CADPS2: variants seen among roughly 807,000 people sequenced by gnomAD.
The protein encoded by CADPS2 is calcium-dependent secretion activator 2.
A neutral mutation model predicts 172.5 loss-of-function variants in CADPS2; 93 were observed. That is an observed-to-expected ratio of 0.54 (90% CI 0.46 to 0.64). CADPS2 has a LOEUF of 0.64. Among genes scored for constraint, CADPS2 ranks in the 30% least tolerant of loss-of-function variants. CADPS2 has a pLI of 0.00. For synonymous variants in CADPS2, 546 were observed against 555.2 expected (o/e 0.98, Z 0.23); for missense variants, 1,420 against 1,565.9 (o/e 0.91, Z 1.57).
At chr7:122,850,110 T>C (rs1429348984) in intron 1 of CADPS2, 10 of 1,348,538 alleles carry the variant, frequency 7.4e-6, no homozygotes, top group Non-Finnish European at 9.7e-6. Context: ...AGACCTGGCA[T>C]CCATCAACAA....
At chr7:122,412,536 G>A (rs1240842251) in intron 19 of CADPS2, among the ~76,000 whole-genome samples, 1 of 152,220 alleles carries the variant, frequency 6.6e-6, no homozygotes, top group Non-Finnish European at 1.5e-5. Context: ...CCAGGCTCTT[G>A]TTGAAGCAGC....
intron 6 of CADPS2, among the ~76,000 whole-genome samples, chr7:122,582,989 G>A (rs1198389957): frequency 6.6e-6 from 1 of 151,450 alleles, no homozygotes; most frequent in African/African-American, 2.4e-5. Flanking sequence ...TCTTCAAAGA[G>A]AAAAGTGAAC....
intron 1 of CADPS2, among the ~76,000 whole-genome samples, chr7:122,772,536 G>A (rs1051660578): frequency 3.3e-5 from 5 of 152,082 alleles, no homozygotes; most frequent in Admixed American, 2.6e-4. Context: ...AAATTCAACA[G>A]ATACAGTTAA....
At chr7:122,569,116 G>T (rs1019481221) in intron 7 of CADPS2, among the ~76,000 whole-genome samples, 1 of 152,080 alleles carries the variant, frequency 6.6e-6, no homozygotes, top group Non-Finnish European at 1.5e-5. Flanking sequence ...CGACATGATT[G>T]TATATCTAGA....
At chr7:122,385,280 T>C (rs1485733989) in intron 24 of CADPS2, among the ~76,000 whole-genome samples, 1 of 151,864 alleles carries the variant, frequency 6.6e-6, no homozygotes, top group Non-Finnish European at 1.5e-5. Flanking sequence ...TTGTATGCTA[T>C]GGTAATATAA....
chr7:122,387,122 G>A lies in CADPS2; in HGVS notation c.3216C>T (p.Asp1072=), dbSNP rs920633848. ...LKLQKASKTT[D]LRIPASVCTM... is the part of the protein sequence containing the mutation. ...TGCAAACGGAAGCTGGAATGCGCAA[G>A]TCAGTTGTTTTGCTTGCCTTTTGTA... is the stretch of plus-strand genomic sequence containing the variant. The change falls in exon 24 of 30, where the codon GAC becomes GAT. Residue 1072 remains aspartate, a synonymous_variant. Coordinates refer to ENST00000449022, the MANE Select transcript of CADPS2 (RefSeq NM_017954.11). The A allele has an allele frequency of 6.3e-7, 1 of 1,577,080 alleles. No individual in the cohort carries two copies. The highest frequency in any genetic ancestry group is 8.6e-7 in the Non-Finnish European group (1 of 1,159,144).
chr7:122,656,808 T>C (rs1046027716), intron 3 of CADPS2, among the ~76,000 whole-genome samples: 1 of 152,170 alleles, frequency 6.6e-6, no homozygotes, highest in Admixed American at 6.5e-5. Context: ...AGATCTTTAG[T>C]TTAATTAGAT....
At chr7:122,873,244 G>A (rs993313768) in intron 1 of CADPS2, among the ~76,000 whole-genome samples, 3 of 152,084 alleles carry the variant, frequency 2.0e-5, no homozygotes, top group Middle Eastern at 3.4e-3. Context: ...GGTTACATAG[G>A]CATACACATG....
intron 8 of CADPS2, among the ~76,000 whole-genome samples, chr7:122,517,744 C>CGA (rs1563571837): frequency 6.6e-6 from 1 of 151,856 alleles, no homozygotes; most frequent in African/African-American, 2.4e-5. Context: ...AGGTCATTCT[C>CGA]AAGTTTTGGA....
At chr7:122,603,248 A>C (rs1220983657) in intron 6 of CADPS2, among the ~76,000 whole-genome samples, 1 of 151,284 alleles carries the variant, frequency 6.6e-6, no homozygotes, top group South Asian at 2.1e-4. Context: ...TAAATATTAT[A>C]TGACAATACA....
chr7:122,851,509 T>A (rs1413711341), intron 1 of CADPS2, among the ~76,000 whole-genome samples: 3 of 152,098 alleles, frequency 2.0e-5, no homozygotes, highest in Admixed American at 2.0e-4. Context: ...GTACTAAAAA[T>A]AATAGCTAAG....
chr7:122,536,736 G>A (rs942111204), intron 8 of CADPS2, among the ~76,000 whole-genome samples: 1 of 152,010 alleles, frequency 6.6e-6, no homozygotes, highest in African/African-American at 2.4e-5. Context: ...AGTTGAGTTT[G>A]CACAGCGCTT....
chr7:122,618,795 A>C (rs144501444), intron 5 of CADPS2, among the ~76,000 whole-genome samples: 1 of 152,178 alleles, frequency 6.6e-6, no homozygotes, highest in Non-Finnish European at 1.5e-5. Flanking sequence ...GACTAGAGGC[A>C]TATCTATTCT....
chr7:122,525,794 T>C (rs1418068907), intron 8 of CADPS2, among the ~76,000 whole-genome samples: 1 of 152,164 alleles, frequency 6.6e-6, no homozygotes, highest in Non-Finnish European at 1.5e-5. Context: ...TATGGTTAAT[T>C]GAGAAATTAA....
rs374275718 is a variant in CADPS2, at chr7:122,451,404, G to C, written c.2258C>G (p.Ser753Cys). ...RFEEIKERLS[S>C]LLENQISHFR... ...ATGGCTTATCTGATTTTCTAAAAGGGAAGAGAGTCTCTCTTTTATCTCCTC... is the reference window on the plus strand; with the variant it reads ...ATGGCTTATCTGATTTTCTAAAAGGCAAGAGAGTCTCTCTTTTATCTCCTC... Residue 753 changes from serine to cysteine, a missense_variant, in exon 15 of 30, where the codon TCC becomes TGC. Coordinates refer to ENST00000449022, the MANE Select transcript of CADPS2 (RefSeq NM_017954.11). 4 of 1,563,870 alleles carry C rather than the reference G, an allele frequency of 2.6e-6. No individual in the cohort carries two copies. The African/African-American group carries it at 5.4e-5, about 21-fold the overall frequency.
intron 16 of CADPS2, 91 bp from the exon 17 acceptor site, chr7:122,438,555 A>C: frequency 3.6e-6 from 5 of 1,400,430 alleles, no homozygotes; most frequent in Non-Finnish European, 4.9e-6. Flanking sequence ...ATAAATACTA[A>C]AGACAAATTA....
chr7:122,555,395 AT>A (rs2064906903), intron 7 of CADPS2, among the ~76,000 whole-genome samples: 1 of 152,074 alleles, frequency 6.6e-6, no homozygotes, highest in African/African-American at 2.4e-5. Flanking sequence ...AACACAAGGT[AT>A]TCTCCCCCTT....
intron 8 of CADPS2, among the ~76,000 whole-genome samples, chr7:122,551,672 C>T (rs1186769068): frequency 6.6e-6 from 1 of 152,026 alleles, no homozygotes; most frequent in South Asian, 2.1e-4. Flanking sequence ...CACCTAACAA[C>T]TCTATCTGTA....
At chr7:122,481,845 T>C (rs766193930) in intron 11 of CADPS2, among the ~76,000 whole-genome samples, 1 of 152,090 alleles carries the variant, frequency 6.6e-6, no homozygotes, top group African/African-American at 2.4e-5. Context: ...ACTCTGTCTC[T>C]ACTAAAAATA....
Sources: gnomAD v4.1 joint callset for allele counts (sites outside exome capture counted in the v4.1 genomes callset) on GRCh38, gnomAD v4.1.1 for gene constraint, MANE v1.5 for transcripts, NCBI Gene and HGNC (gene_info 2026-07-23, HGNC 2026-07-21) for gene names.